CRY1: variants seen among roughly 807,000 people sequenced by gnomAD.
The protein encoded by CRY1 is cryptochrome-1.
Under a neutral mutation model 76.0 loss-of-function variants are expected in CRY1, and 45 were observed. The ratio of observed to expected loss-of-function variants is 0.59; its 90% CI spans 0.47 to 0.76. CRY1 has a LOEUF of 0.76. Among genes scored for constraint, CRY1 ranks in the 30% least tolerant of loss-of-function variants. The pLI is 0.00. For missense variants in CRY1, 587 were observed against 716.4 expected (o/e 0.82, Z 2.06); for synonymous variants, 248 against 244.0 (o/e 1.02, Z -0.15).
chr12:107,031,675 C>T (rs368515276), intron 1 of CRY1, among the ~76,000 whole-genome samples: 24 of 152,106 alleles, frequency 1.6e-4, no homozygotes, highest in Admixed American at 9.8e-4. Flanking sequence ...GTCCCCCAAA[C>T]CCCCATAACC....
At chr12:107,027,185 T>C (rs561618916) in intron 1 of CRY1, among the ~76,000 whole-genome samples, 48 of 152,274 alleles carry the variant, frequency 3.2e-4, no homozygotes, top group Admixed American at 2.8e-3. Context: ...ATTAGATCTG[T>C]TAGAGTTCAG....
intron 7 of CRY1, among the ~76,000 whole-genome samples, 159 bp from the exon 8 acceptor site, chr12:106,998,225 A>G (rs937440741): frequency 6.6e-6 from 1 of 152,238 alleles, no homozygotes; most frequent in South Asian, 2.1e-4. Context: ...CTGTTCTATA[A>G]TGAGCTCTTC....
intron 2 of CRY1, among the ~76,000 whole-genome samples, chr12:107,009,897 CATAAA>C (rs1952423991): frequency 6.6e-6 from 1 of 151,882 alleles, no homozygotes; most frequent in Non-Finnish European, 1.5e-5. Flanking sequence ...ATGCTGTCCT[CATAAA>C]ATGAGTTGGG....
At chr12:106,998,293 A>G (rs955144622) in intron 7 of CRY1, among the ~76,000 whole-genome samples, 18 of 152,122 alleles carry the variant, frequency 1.2e-4, no homozygotes, top group African/African-American at 4.3e-4. Context: ...TACTTTTCCA[A>G]CCTCTGCAGT....
intron 1 of CRY1, among the ~76,000 whole-genome samples, chr12:107,079,340 T>C (rs1036171925): frequency 2.0e-5 from 3 of 152,244 alleles, no homozygotes. Context: ...TATTGCTATA[T>C]TTTGCCACCA....
intron 1 of CRY1, among the ~76,000 whole-genome samples, chr12:107,046,125 TA>T (rs35548593): frequency 0.46 from 63,737 of 137,092 alleles, 14,921 homozygotes; most frequent in East Asian, 0.72. Flanking sequence ...GACTCTGTCT[TA>T]AAAAAAAAAA....
At chr12:107,071,656 G>T (rs1008364257) in intron 1 of CRY1, among the ~76,000 whole-genome samples, 1 of 151,612 alleles carries the variant, frequency 6.6e-6, no homozygotes, top group African/African-American at 2.4e-5. Context: ...GCTTTGAAAA[G>T]ATCAATAAAG....
chr12:107,005,624 T>G (rs1952364777), intron 2 of CRY1, among the ~76,000 whole-genome samples: 1 of 152,198 alleles, frequency 6.6e-6, no homozygotes. Flanking sequence ...GAGATAAGTT[T>G]ATTTTTAAAA....
Position 107,090,603 on chromosome 12 carries a change from C to T in CRY1, c.158+2201G>A, listed in dbSNP as rs182520570. Among the ~76,000 whole-genome samples the T allele has an allele frequency of 9.9e-4, 150 of 152,272 alleles. 1 individual carries two copies. The highest frequency in any genetic ancestry group is 3.3e-3 in the African/African-American group (139 of 41,568). ...CGGCTCCACTAGAATGTAGCTCCAA[C>T]AGGGTGAGAATTGGGGGCTGTTTTG... On this transcript the variant is annotated intron_variant, in intron 1 of 12. Transcript: ENST00000008527.
At chr12:107,068,312 CTTTGAGACAGCGTCTCACTCTT>C (rs960560722) in intron 1 of CRY1, among the ~76,000 whole-genome samples, 1 of 151,986 alleles carries the variant, frequency 6.6e-6, no homozygotes, top group African/African-American at 2.4e-5. Flanking sequence ...ATAATTTTTT[CTTTGAGACAGCGTCTCACTCTT>C]TTGCCCAGGC....
chr12:107,026,294 C>A (rs551733168), intron 1 of CRY1, among the ~76,000 whole-genome samples: 33 of 150,676 alleles, frequency 2.2e-4, no homozygotes, highest in African/African-American at 7.8e-4. Flanking sequence ...TGCAGTGGCA[C>A]GATCTCAGCT....
intron 1 of CRY1, among the ~76,000 whole-genome samples, chr12:107,057,834 G>A (rs1953001152): frequency 6.6e-6 from 1 of 152,084 alleles, no homozygotes; most frequent in Non-Finnish European, 1.5e-5. Context: ...TGAGTCAAGA[G>A]AACTGATTGA....
chr12:107,078,845 G>A (rs190044798), intron 1 of CRY1, among the ~76,000 whole-genome samples: 126 of 152,204 alleles, frequency 8.3e-4, no homozygotes, highest in African/African-American at 3.0e-3. Context: ...CTCCTCCTCT[G>A]TGAAACTGTG....
intron 5 of CRY1, 66 bp downstream of exon 5, chr12:107,001,214 G>GA: frequency 8.2e-7 from 1 of 1,216,008 alleles, no homozygotes. Context: ...TTAAAAGAGA[G>GA]AAAAATTATT....
intron 1 of CRY1, among the ~76,000 whole-genome samples, chr12:107,076,618 G>GAA (rs58432343): frequency 1.7e-4 from 17 of 99,442 alleles, no homozygotes; most frequent in Admixed American, 4.1e-4. Flanking sequence ...CTGCCTCAAA[G>GAA]AAAAAAAAAA....
At chr12:107,055,469 A>T (rs1028068184) in intron 1 of CRY1, among the ~76,000 whole-genome samples, 10 of 152,194 alleles carry the variant, frequency 6.6e-5, no homozygotes, top group Non-Finnish European at 1.2e-4. Flanking sequence ...AAGGCTAAAA[A>T]TAGCCTAAGA....
rs1397224225 is a variant in CRY1, at chr12:106,999,845, G to A, written c.843C>T (p.Ser281=). ...GTTGCCCATAAAGGGAAAGGGGAGG[G>A]GAACTGTTCTTCTTTACCTATGGTT... The part of the protein sequence containing the change: ...DLYKKVKKNS[S]PPLSLYGQLL... The change falls in exon 7 of 13, where the codon TCC becomes TCT. Residue 281 remains serine, a synonymous_variant. Transcript: ENST00000008527. 3 of 1,610,844 alleles carry A rather than the reference G, an allele frequency of 1.9e-6. No individual in the cohort carries two copies. The highest frequency in any genetic ancestry group is 2.2e-5 in the South Asian group (2 of 90,466).
intron 7 of CRY1, 112 bp downstream of exon 7, chr12:106,999,439 A>T: frequency 1.0e-6 from 1 of 958,856 alleles, no homozygotes; most frequent in Non-Finnish European, 1.5e-6. Context: ...TGTTTTATCC[A>T]CTGAAAAACT....
intron 1 of CRY1, among the ~76,000 whole-genome samples, chr12:107,075,026 CAACAAAA>C (rs918285245): frequency 8.6e-5 from 12 of 139,520 alleles, no homozygotes; most frequent in Admixed American, 2.9e-4. Flanking sequence ...AAAAAAAAAA[CAACAAAA>C]AACAAAAAAC....
Sources: gnomAD v4.1 joint callset for allele counts (sites outside exome capture counted in the v4.1 genomes callset) on GRCh38, gnomAD v4.1.1 for gene constraint, MANE v1.5 for transcripts, NCBI Gene and HGNC (gene_info 2026-07-23, HGNC 2026-07-21) for gene names.